The following PDS5B variants were observed in gnomAD, a reference collection of about 807,000 sequenced individuals.
PDS5B encodes PDS5 cohesin associated factor B, also known as sister chromatid cohesion protein PDS5 homolog B.
A neutral mutation model predicts 184.1 loss-of-function variants in PDS5B; 51 were observed. The observed-to-expected ratio is 0.28, with a 90% CI of 0.22 to 0.35. The LOEUF (loss-of-function observed/expected upper bound fraction) is 0.35. Ranked by LOEUF, PDS5B falls within the 10% of genes least tolerant of loss-of-function variation. PDS5B has a pLI of 1.00. For synonymous variants in PDS5B, 566 were observed against 569.2 expected (o/e 0.99, Z 0.08); for missense variants, 1,180 against 1,723.3 (o/e 0.68, Z 5.58).
chr13:32,602,164 A>G, intron 1 of PDS5B, among the ~76,000 whole-genome samples: 1 of 152,096 alleles, frequency 6.6e-6, no homozygotes, highest in Non-Finnish European at 1.5e-5. Flanking sequence ...ACATATGTAT[A>G]CATATACCAT....
At chr13:32,719,956 AT>A (rs57485603) in intron 19 of PDS5B, among the ~76,000 whole-genome samples, 3 of 150,962 alleles carry the variant, frequency 2.0e-5, no homozygotes, top group African/African-American at 4.9e-5. Context: ...ACCCCTGGCA[AT>A]TTTTTTTTGT....
At chr13:32,725,667 C>T (rs2140936800) in intron 19 of PDS5B, among the ~76,000 whole-genome samples, 1 of 152,206 alleles carries the variant, frequency 6.6e-6, no homozygotes, top group East Asian at 1.9e-4. Flanking sequence ...AGTTCAAATT[C>T]AGGATTACAT....
Position 32,707,041 on chromosome 13 carries a change from T to C in PDS5B, c.1962+2T>C. 5 of 1,525,042 alleles carry C rather than the reference T, an allele frequency of 3.3e-6. No individual in the cohort carries two copies. The highest frequency in any genetic ancestry group is 4.5e-6 in the Non-Finnish European group (5 of 1,117,526). 94.5% of individuals were successfully genotyped at this position (1,525,042 alleles called of 1,614,324 possible). ...AGAGCAGGTCTTGAACTGCTTAAGG[T>C]AAGTATCTATTTAAAATTAAGTGCC... On this transcript the variant is annotated splice_donor_variant, in intron 18 of 34. Coordinates refer to ENST00000315596, the MANE Select transcript of PDS5B (RefSeq NM_015032.4). LOFTEE classifies it high-confidence loss of function.
At chr13:32,602,125 G>C (rs193058824) in intron 1 of PDS5B, among the ~76,000 whole-genome samples, 1 of 151,630 alleles carries the variant, frequency 6.6e-6, no homozygotes, top group East Asian at 1.9e-4. Flanking sequence ...TAAGTGCTAG[G>C]GTACATGTGC....
intron 19 of PDS5B, among the ~76,000 whole-genome samples, chr13:32,719,467 G>A (rs963720784): frequency 7.2e-5 from 11 of 152,096 alleles, no homozygotes; most frequent in Admixed American, 3.3e-4. Flanking sequence ...ACAGGCATGA[G>A]CCACCATGCC....
At chr13:32,644,865 G>A (rs1244111739) in intron 1 of PDS5B, among the ~76,000 whole-genome samples, 4 of 152,130 alleles carry the variant, frequency 2.6e-5, no homozygotes, top group Admixed American at 1.3e-4. Context: ...TTTTAAGCCT[G>A]TTGATGTGAT....
chr13:32,661,416 A>G (rs1390647863), intron 6 of PDS5B, among the ~76,000 whole-genome samples: 2 of 149,378 alleles, frequency 1.3e-5, no homozygotes, highest in African/African-American at 4.9e-5. Context: ...AAAAACAGAA[A>G]AAGAAAAAGA....
intron 1 of PDS5B, among the ~76,000 whole-genome samples, chr13:32,616,556 A>T (rs2058222819): frequency 6.6e-6 from 1 of 152,192 alleles, no homozygotes. Flanking sequence ...TTTTGCTATT[A>T]TGCCTATGTC....
chr13:32,634,618 C>T (rs1257111997), intron 1 of PDS5B, among the ~76,000 whole-genome samples: 2 of 145,012 alleles, frequency 1.4e-5, no homozygotes, highest in African/African-American at 5.1e-5. Flanking sequence ...GTGTCTTACT[C>T]TGTCACCCAG....
In PDS5B at chr13:32,717,211, C is replaced by T. The variant is rs1221411463; in HGVS notation, c.2123+7105C>T. Among the ~76,000 whole-genome samples, 6 of 152,064 alleles carry T rather than the reference C, an allele frequency of 3.9e-5. No homozygotes were observed. In the South Asian group the frequency reaches 6.2e-4, roughly 16 times the overall value. ...GGTGTACCCAACAGCTCATTGAGAA[C>T]GGGCCATGATGACAATGGCGGTTTT... On this transcript the variant is annotated intron_variant, in intron 19 of 34. Coordinates refer to ENST00000315596, the MANE Select transcript of PDS5B (RefSeq NM_015032.4).
chr13:32,744,353 G>C (rs1953670318), intron 23 of PDS5B, among the ~76,000 whole-genome samples: 2 of 152,236 alleles, frequency 1.3e-5, no homozygotes, highest in Middle Eastern at 6.8e-3. Context: ...CCTAGAGTTG[G>C]AATAAGAATT....
chr13:32,772,940 G>C (rs1954838575), intron 33 of PDS5B, among the ~76,000 whole-genome samples: 1 of 152,120 alleles, frequency 6.6e-6, no homozygotes, highest in South Asian at 2.1e-4. Context: ...AAAGATGAAA[G>C]GAAGAGCAGA....
chr13:32,594,738 C>A lies in PDS5B; in HGVS notation c.-20+8145C>A, dbSNP rs777225990. 9.2e-5 allele frequency among the ~76,000 whole-genome samples: 14 copies of A among 152,250 alleles called. No individual in the cohort carries two copies. The South Asian group carries it at 1.0e-3, about 11-fold the overall frequency. ...CCTCATGCTGCTGCCAGATGATTGC[C>A]TCTGGAAGCTATTCCTACACCTTTT... On this transcript the variant is annotated intron_variant, in intron 1 of 34. Coordinates refer to ENST00000315596, the MANE Select transcript of PDS5B (RefSeq NM_015032.4).
chr13:32,641,683 C>A (rs1018802027), intron 1 of PDS5B, among the ~76,000 whole-genome samples: 1 of 152,160 alleles, frequency 6.6e-6, no homozygotes, highest in Non-Finnish European at 1.5e-5. Context: ...ACCCCAATCA[C>A]TATAGGTATT....
intron 30 of PDS5B, among the ~76,000 whole-genome samples, chr13:32,760,936 G>A (rs1168498748): frequency 6.6e-6 from 1 of 152,130 alleles, no homozygotes; most frequent in Non-Finnish European, 1.5e-5. Flanking sequence ...TAGCTTGTTG[G>A]GGGTAATCTG....
intron 1 of PDS5B, among the ~76,000 whole-genome samples, chr13:32,620,721 A>T (rs1300726501): frequency 6.6e-6 from 1 of 152,082 alleles, no homozygotes; most frequent in East Asian, 1.9e-4. Context: ...TTTAGAGGAA[A>T]TGCTTGATGT....
At chr13:32,659,344 CT>C (rs1950588603) in intron 6 of PDS5B, 64 bp downstream of exon 6, 22 of 1,256,100 alleles carry the variant, frequency 1.8e-5, no homozygotes, top group Non-Finnish European at 2.2e-5. Flanking sequence ...AAAATTTGTG[CT>C]TAGGTTCTAA....
rs1954924035 is a variant in PDS5B at position 32,775,338 on chromosome 13, A to G, written c.*286A>G. 1 of 394,190 alleles carries G rather than the reference A, an allele frequency of 2.5e-6. No homozygotes were observed. Among genetic ancestry groups the G allele is most frequent in the African/African-American group, 2.1e-5 (1 of 48,752 alleles). 24.4% of individuals were successfully genotyped at this position (394,190 alleles called of 1,614,324 possible). The stretch of plus-strand genomic sequence containing the variant: ...TTTTTTCTTTTTTTTAATGTTTCTG[A>G]TTTCTGAAGTGCTTGTATAGCTTTT... On this transcript the variant is annotated 3_prime_UTR_variant, in exon 35 of 35. Coordinates refer to ENST00000315596, the MANE Select transcript of PDS5B (RefSeq NM_015032.4).
rs1386412016 is a variant in PDS5B, at chr13:32,659,137, T to G, written c.498-17T>G. 3.3e-6 allele frequency: 5 copies of G among 1,511,408 alleles called. No homozygotes were observed. The highest frequency in any genetic ancestry group is 4.5e-6 in the Non-Finnish European group (5 of 1,116,014). The allele number at this position is 1,511,408 out of a possible 1,614,324, so 93.6% of individuals were successfully genotyped here. The stretch of plus-strand genomic sequence containing the variant: ...TATCTCAGTTGTAATTGAAACAAAA[T>G]CTGTTTTGAATTGCAGCAATGGCCA... On this transcript the variant is annotated splice_polypyrimidine_tract_variant and intron_variant, in intron 5 of 34. Transcript: ENST00000315596.
Sources: gnomAD v4.1 joint callset for allele counts (sites outside exome capture counted in the v4.1 genomes callset) on GRCh38, gnomAD v4.1.1 for gene constraint, MANE v1.5 for transcripts, NCBI Gene and HGNC (gene_info 2026-07-23, HGNC 2026-07-21) for gene names.